SNRPN: variants seen among roughly 807,000 people sequenced by gnomAD.
SNRPN encodes small nuclear ribonucleoprotein polypeptide N.
A neutral mutation model predicts 25.2 loss-of-function variants in SNRPN; 7 were observed. The ratio of observed to expected loss-of-function variants is 0.28; its 90% CI spans 0.16 to 0.52. The LOEUF is 0.52. Among genes scored for constraint, SNRPN ranks in the 20% least tolerant of loss-of-function variants. The probability of loss-of-function intolerance (pLI) is 0.96; values close to 1 mark genes in which losing one functional copy is unlikely to be tolerated. For synonymous variants in SNRPN, 124 were observed against 110.6 expected (o/e 1.12, Z -0.76); for missense variants, 196 against 322.5 (o/e 0.61, Z 3.00).
intron 3 of SNRPN, among the ~76,000 whole-genome samples, chr15:24,921,538 G>T (rs1265136972): frequency 1.3e-5 from 2 of 152,146 alleles, no homozygotes; most frequent in Non-Finnish European, 2.9e-5. Flanking sequence ...GTAGGGTCAG[G>T]TTCTCCAAGT....
At chr15:24,956,354 C>CGGT (rs66513284) in intron 1 of SNRPN, among the ~76,000 whole-genome samples, 1 of 138,158 alleles carries the variant, frequency 7.2e-6, no homozygotes, top group African/African-American at 2.7e-5. Flanking sequence ...AGCGCTTCAG[C>CGGT]GGGGGGGTGG....
intron 2 of SNRPN, among the ~76,000 whole-genome samples, chr15:24,895,749 T>C (rs1013986181): frequency 6.6e-6 from 1 of 152,198 alleles, no homozygotes; most frequent in Non-Finnish European, 1.5e-5. Context: ...AATTTATCCT[T>C]TGTCCATATA....
At chr15:24,951,937 G>GT (rs1476248338), upstream of SNRPN, among the ~76,000 whole-genome samples, 1 of 152,104 alleles carries the variant, frequency 6.6e-6, no homozygotes, top group African/African-American at 2.4e-5. Flanking sequence ...AAACTTTTAT[G>GT]TAACTGTGAT....
chr15:24,923,029 CCATGTAA>C, intron 3 of SNRPN, among the ~76,000 whole-genome samples: 1 of 151,508 alleles, frequency 6.6e-6, no homozygotes, highest in East Asian at 2.0e-4. Context: ...CCTCAGACCC[CCATGTAA>C]CTGGGACTAC....
chr15:24,911,313 C>T (rs1333004104), intron 2 of SNRPN, among the ~76,000 whole-genome samples: 1 of 152,116 alleles, frequency 6.6e-6, no homozygotes, highest in Non-Finnish European at 1.5e-5. Context: ...GACTAGAATG[C>T]CAGATGCTAT....
chr15:24,963,249 C>T (rs1035341480), intron 2 of SNRPN, among the ~76,000 whole-genome samples: 1 of 152,140 alleles, frequency 6.6e-6, no homozygotes, highest in African/African-American at 2.4e-5. Context: ...TTATTGTAAT[C>T]GTTAGCTTGC....
At chr15:24,935,913 A>G (rs1442283262) in intron 3 of SNRPN, among the ~76,000 whole-genome samples, 1 of 152,100 alleles carries the variant, frequency 6.6e-6, no homozygotes, top group African/African-American at 2.4e-5. Context: ...GGTCAGTTCA[A>G]GACCAGCCTG....
At chr15:24,866,190 G>T (rs952495162) in intron 1 of SNRPN, among the ~76,000 whole-genome samples, 2 of 151,584 alleles carry the variant, frequency 1.3e-5, no homozygotes, top group Admixed American at 6.6e-5. Flanking sequence ...TTTTCTATTT[G>T]CTTGCTATAT....
At chr15:24,840,187 A>G (rs1465545539) in intron 2 of SNRPN, among the ~76,000 whole-genome samples, 1 of 152,128 alleles carries the variant, frequency 6.6e-6, no homozygotes, top group African/African-American at 2.4e-5. Flanking sequence ...ATGAAACCCC[A>G]TCTCTACTAA....
chr15:24,886,958 G>C (rs977441032), intron 2 of SNRPN, among the ~76,000 whole-genome samples: 2 of 152,044 alleles, frequency 1.3e-5, no homozygotes, highest in Non-Finnish European at 2.9e-5. Flanking sequence ...TGGCAGGAAT[G>C]GGATGTAAAG....
intron 3 of SNRPN, among the ~76,000 whole-genome samples, chr15:24,932,317 C>G (rs1480981877): frequency 6.6e-6 from 1 of 152,162 alleles, no homozygotes; most frequent in Non-Finnish European, 1.5e-5. Flanking sequence ...TCACTGCACC[C>G]TCCGCCTCCT....
intron 1 of SNRPN, among the ~76,000 whole-genome samples, chr15:24,827,148 GGTGAGTGA>G (rs771306799): frequency 6.6e-6 from 1 of 152,038 alleles, no homozygotes; most frequent in Non-Finnish European, 1.5e-5. Flanking sequence ...AGTTCATCCA[GGTGAGTGA>G]GTGAGTGAGT....
intron 3 of SNRPN, among the ~76,000 whole-genome samples, chr15:24,930,093 G>A (rs890243091): frequency 2.1e-4 from 32 of 151,500 alleles, no homozygotes; most frequent in Admixed American, 8.6e-4. Flanking sequence ...GCAGTGAGCC[G>A]AGATTGTGCC....
At chr15:24,940,707 G>A (rs1005245850) in intron 3 of SNRPN, among the ~76,000 whole-genome samples, 6 of 152,062 alleles carry the variant, frequency 3.9e-5, no homozygotes, top group Admixed American at 1.3e-4. Context: ...TGCTGTAGGC[G>A]GTGTCTAAGG....
At chr15:24,832,068 C>A (rs2050578293) in intron 2 of SNRPN, among the ~76,000 whole-genome samples, 1 of 150,368 alleles carries the variant, frequency 6.7e-6, no homozygotes, top group African/African-American at 2.5e-5. Flanking sequence ...TTTTTAGGAT[C>A]CTTCACAATT....
At chr15:24,957,531 CT>C (rs1328963924) in intron 1 of SNRPN, among the ~76,000 whole-genome samples, 9 of 152,112 alleles carry the variant, frequency 5.9e-5, no homozygotes, top group African/African-American at 2.2e-4. Context: ...AGGATTTTGT[CT>C]TCCTTTGCAG....
intron 2 of SNRPN, among the ~76,000 whole-genome samples, chr15:24,889,826 G>A (rs1427953279): frequency 1.3e-5 from 2 of 151,594 alleles, no homozygotes; most frequent in East Asian, 4.0e-4. Flanking sequence ...AAGGCAGGTG[G>A]ATCACCTCAG....
Position 24,976,402 on chromosome 15 carries a change from C to T in SNRPN, c.253C>T (p.Pro85Ser). The T allele has an allele frequency of 6.2e-7, 1 of 1,608,042 alleles. No individual in the cohort carries two copies. Among genetic ancestry groups the T allele is most frequent in the Non-Finnish European group, 8.5e-7 (1 of 1,176,222 alleles). ...CTTGGTATCCATGACTGTGGAGGGG[C>T]CACCCCCCAAAGATGTAAGGAAGAT... is the stretch of plus-strand genomic sequence containing the variant. Reference protein sequence around the residue: ...ENLVSMTVEGPPPKDTGIARV... With the variant: ...ENLVSMTVEGSPPKDTGIARV... Residue 85 changes from proline to serine, a missense_variant, in exon 6 of 10, where the codon CCA becomes TCA. Transcript: ENST00000390687.
At chr15:24,827,233 A>T (rs1191752670) in intron 1 of SNRPN, among the ~76,000 whole-genome samples, 2 of 151,972 alleles carry the variant, frequency 1.3e-5, no homozygotes, top group Non-Finnish European at 2.9e-5. Context: ...CACTGTATGC[A>T]GCCGGGCGCG....
Sources: gnomAD v4.1 joint callset for allele counts (sites outside exome capture counted in the v4.1 genomes callset) on GRCh38, gnomAD v4.1.1 for gene constraint, MANE v1.5 for transcripts, NCBI Gene and HGNC (gene_info 2026-07-23, HGNC 2026-07-21) for gene names.